The following SUSD5 variants were observed in gnomAD, a reference collection of about 807,000 sequenced individuals.
The protein encoded by SUSD5 is sushi domain containing 5, also known as sushi domain-containing protein 5.
In SUSD5, 33 loss-of-function variants were observed where a neutral mutation model predicts 29.5. The ratio of observed to expected loss-of-function variants is 1.12; its 90% CI spans 0.85 to 1.49. SUSD5 has a LOEUF of 1.49. Among genes scored for constraint, SUSD5 ranks in the 40% most tolerant of loss-of-function variants. The pLI is 0.00. For synonymous variants in SUSD5, 308 were observed against 325.3 expected, an observed-to-expected ratio of 0.95 and a Z score of 0.57; for missense variants, 776 against 800.6, an observed-to-expected ratio of 0.97 and a Z score of 0.37.
At chr3:33,177,255 C>A (rs1004540883) in intron 3 of SUSD5, among the ~76,000 whole-genome samples, 3 of 152,120 alleles carry the variant, frequency 2.0e-5, no homozygotes, top group African/African-American at 7.2e-5. Flanking sequence ...GGTTAATATC[C>A]GTAAAAGTAA....
At chr3:33,165,372 A>G (rs531213981) in intron 4 of SUSD5, among the ~76,000 whole-genome samples, 1 of 152,312 alleles carries the variant, frequency 6.6e-6, no homozygotes, top group Admixed American at 6.5e-5. Context: ...TGGGACTGAA[A>G]GGGAGCACCA....
In SUSD5 at chr3:33,175,089, TCA is replaced by T. The variant is rs1275318934; in HGVS notation, c.410-17_410-16del. 3.7e-6 allele frequency: 6 copies of T among 1,613,518 alleles called. No individual in the cohort carries two copies. The highest frequency in any genetic ancestry group is 2.2e-5 in the East Asian group (1 of 44,856). On this transcript the variant is annotated splice_polypyrimidine_tract_variant and intron_variant, in intron 3 of 4. Coordinates refer to ENST00000309558, the MANE Select transcript of SUSD5 (RefSeq NM_015551.2). ...ACACGGCTTCTCTGAGGAGAAGGAA[TCA>T]CAGTTAGCTTTTCCAAACTGTGCGG...
At chr3:33,185,018 C>G (rs1000234061) in intron 3 of SUSD5, among the ~76,000 whole-genome samples, 3 of 152,222 alleles carry the variant, frequency 2.0e-5, no homozygotes, top group Non-Finnish European at 4.4e-5. Flanking sequence ...CTGTGGTAAA[C>G]AGGCCTTTGG....
chr3:33,174,558 A>T (rs4461375), intron 4 of SUSD5, among the ~76,000 whole-genome samples: 21,109 of 152,210 alleles, frequency 0.14, 1,641 homozygotes, highest in South Asian at 0.24. Flanking sequence ...TTTGTACCAC[A>T]GCTGATGTTC....
chr3:33,193,582 G>A (rs1426072790), intron 3 of SUSD5, among the ~76,000 whole-genome samples: 1 of 152,066 alleles, frequency 6.6e-6, no homozygotes, highest in East Asian at 1.9e-4. Flanking sequence ...GGTCTGGAGA[G>A]ATTAGGCTTG....
rs1242126946 is a variant in SUSD5 at position 33,204,481 on chromosome 3, C to T, written c.409+3327G>A. On this transcript the variant is annotated intron_variant, in intron 3 of 4. Coordinates refer to ENST00000309558, the MANE Select transcript of SUSD5 (RefSeq NM_015551.2). The surrounding 1 kb of genome is among the most constrained non-coding windows in gnomAD (Gnocchi z 4.5). ...GACGACAGGTGCCCACTACCACACCCGGCTAATTTTTTTGTATTTTTAGTA... is the reference window on the plus strand; with the variant it reads ...GACGACAGGTGCCCACTACCACACCTGGCTAATTTTTTTGTATTTTTAGTA... Among the ~76,000 whole-genome samples, 1 of 151,320 alleles carries T rather than the reference C, an allele frequency of 6.6e-6. No homozygotes were observed. Among genetic ancestry groups the T allele is most frequent in the African/African-American group, 2.4e-5 (1 of 40,840 alleles).
chr3:33,179,508 T>G (rs970141636), intron 3 of SUSD5, among the ~76,000 whole-genome samples: 2 of 152,202 alleles, frequency 1.3e-5, no homozygotes, highest in African/African-American at 4.8e-5. Context: ...TAGCATTATT[T>G]TCTCCTAGAT....
intron 4 of SUSD5, among the ~76,000 whole-genome samples, chr3:33,160,113 G>A (rs1325182655): frequency 1.3e-5 from 2 of 152,086 alleles, no homozygotes; most frequent in African/African-American, 4.8e-5. Flanking sequence ...ACATTTCTGA[G>A]GAAAAAGCAG....
chr3:33,195,784 T>C (rs1298414180), intron 3 of SUSD5, among the ~76,000 whole-genome samples: 1 of 149,960 alleles, frequency 6.7e-6, no homozygotes, highest in Non-Finnish European at 1.5e-5. Context: ...ATGTTGTTCA[T>C]ATAATCCCAA....
chr3:33,176,809 A>G (rs2031560486), intron 3 of SUSD5, among the ~76,000 whole-genome samples: 1 of 152,196 alleles, frequency 6.6e-6, no homozygotes, highest in African/African-American at 2.4e-5. Context: ...TCGTTTTTGC[A>G]TGTGGATGTC....
Position 33,218,800 on chromosome 3 carries a change from T to G in SUSD5, c.-3A>C. On this transcript the variant is annotated 5_prime_UTR_variant, in exon 1 of 5. Transcript: ENST00000309558. ...GGGCTGGGTCCCTCGGCAGTCATGG[T>G]CCGGGAGTGCGCGGGCCAGCGGACT... 1.4e-6 allele frequency: 2 copies of G among 1,443,328 alleles called. No individual in the cohort carries two copies. Among genetic ancestry groups the G allele is most frequent in the Non-Finnish European group, 9.1e-7 (1 of 1,103,884 alleles). The allele number at this position is 1,443,328 out of a possible 1,614,324, so 89.4% of individuals were successfully genotyped here.
intron 3 of SUSD5, among the ~76,000 whole-genome samples, chr3:33,200,988 G>A (rs2032106085): frequency 6.6e-6 from 1 of 152,040 alleles, no homozygotes; most frequent in African/African-American, 2.4e-5. Context: ...GAATTGTTAA[G>A]CAAAAAGGAA....
At chr3:33,215,118 A>G (rs768636414) in intron 1 of SUSD5, among the ~76,000 whole-genome samples, 6 of 152,020 alleles carry the variant, frequency 3.9e-5, no homozygotes, top group Non-Finnish European at 7.4e-5. Context: ...AATTTTAAAT[A>G]AACACTTCCA....
chr3:33,168,355 T>C (rs977118385), intron 4 of SUSD5, among the ~76,000 whole-genome samples: 2 of 152,236 alleles, frequency 1.3e-5, no homozygotes, highest in Admixed American at 6.5e-5. Flanking sequence ...TGAACAAATA[T>C]GGCAATTTTT....
intron 4 of SUSD5, among the ~76,000 whole-genome samples, chr3:33,164,130 T>C (rs1470601104): frequency 1.3e-5 from 2 of 152,016 alleles, no homozygotes; most frequent in East Asian, 3.9e-4. Context: ...GCCAAGATCT[T>C]GCCACGGCAC....
At chr3:33,166,500 A>G (rs1346423397) in intron 4 of SUSD5, among the ~76,000 whole-genome samples, 1 of 152,160 alleles carries the variant, frequency 6.6e-6, no homozygotes, top group Non-Finnish European at 1.5e-5. Flanking sequence ...AACAGCATCC[A>G]TCCAGAACAG....
Position 33,183,930 on chromosome 3 carries a change from C to CTTTTTTTTTTTTTTTTTTTTTTTTTTTTT in SUSD5, c.410-8857_410-8856insAAAAAAAAAAAAAAAAAAAAAAAAAAAAA, listed in dbSNP as rs68055129. Among the ~76,000 whole-genome samples the CTTTTTTTTTTTTTTTTTTTTTTTTTTTTT allele has an allele frequency of 1.4e-3, 86 of 62,596 alleles. 3 individuals are homozygous for CTTTTTTTTTTTTTTTTTTTTTTTTTTTTT. Among genetic ancestry groups the CTTTTTTTTTTTTTTTTTTTTTTTTTTTTT allele is most frequent in the South Asian group, 2.5e-3 (3 of 1,182 alleles). 41.1% of individuals were successfully genotyped at this position (62,596 alleles called of 152,430 possible). ...AACACTTTAAATATTTTATTACCCTCTTTTTTTTTTTTTTTTTTTTTTTTT... is the reference window on the plus strand; with the variant it reads ...AACACTTTAAATATTTTATTACCCTCTTTTTTTTTTTTTTTTTTTTTTTTTTTTTTTTTTTTTTTTTTTTTTTTTTTTTT... On this transcript the variant is annotated intron_variant, in intron 3 of 4. Transcript: ENST00000309558.
chr3:33,171,778 T>G (rs2031432703), intron 4 of SUSD5, among the ~76,000 whole-genome samples: 1 of 152,144 alleles, frequency 6.6e-6, no homozygotes, highest in South Asian at 2.1e-4. Flanking sequence ...CGCATACATG[T>G]TAGCTTTCAT....
At chr3:33,155,082 G>C (rs903168330) in intron 4 of SUSD5, among the ~76,000 whole-genome samples, 7 of 152,136 alleles carry the variant, frequency 4.6e-5, no homozygotes, top group African/African-American at 1.7e-4. Context: ...ACAGATAACT[G>C]GATTACATTA....
Sources: gnomAD v4.1 joint callset for allele counts (sites outside exome capture counted in the v4.1 genomes callset) on GRCh38, gnomAD v4.1.1 for gene constraint, Gnocchi (gnomAD v3.1) non-coding constraint, MANE v1.5 for transcripts, NCBI Gene and HGNC (gene_info 2026-07-23, HGNC 2026-07-21) for gene names.